Variants in PNPLA6 observed in about 807,000 individuals in gnomAD.
PNPLA6 encodes the protein patatin-like phospholipase domain-containing protein 6.
A neutral mutation model predicts 153.7 loss-of-function variants in PNPLA6; 105 were observed. The ratio of observed to expected loss-of-function variants is 0.68; its 90% confidence interval spans 0.58 to 0.80. PNPLA6 has a LOEUF of 0.80. Ranked by LOEUF, PNPLA6 falls within the 30% of genes least tolerant of loss-of-function variation. The pLI, the probability that PNPLA6 is intolerant of heterozygous loss-of-function variation, is 0.00. For missense variants in PNPLA6, 1,423 were observed against 1,919.3 expected, an observed-to-expected ratio of 0.74 and a Z score of 4.83; for synonymous variants, 825 against 822.2, an observed-to-expected ratio of 1.00 and a Z score of -0.06.
chr19:7,541,837 G>T lies in PNPLA6; in HGVS notation c.1169-147G>T. 1 of 1,112,938 alleles carries T rather than the reference G, an allele frequency of 9.0e-7. No homozygotes were observed. The allele number at this position is 1,112,938 out of a possible 1,614,324, so 68.9% of individuals were successfully genotyped here. A position where few individuals can be genotyped will look rare whatever the true frequency, so the allele number is the denominator to read the frequency against. Reference sequence around the variant, plus strand: ...GGTACCCAGGTCTGACTCCTATCTGGTACCGAGGAAGCTGTGGCCTCGTCC... The same window carrying T: ...GGTACCCAGGTCTGACTCCTATCTGTTACCGAGGAAGCTGTGGCCTCGTCC... On this transcript the variant is annotated intron_variant, in intron 9 of 31. Coordinates refer to ENST00000600737, the MANE Select transcript of PNPLA6 (RefSeq NM_001166114.2). The surrounding 1 kb of genome is among the most constrained non-coding windows in gnomAD (Gnocchi z 5.2).
At chr19:7,544,016 T>C (rs553831034) in intron 13 of PNPLA6, among the ~76,000 whole-genome samples, 14 of 151,596 alleles carry the variant, frequency 9.2e-5, no homozygotes, top group African/African-American at 3.4e-4. Context: ...GGTTTCACTG[T>C]GTTAGCCAGG....
Position 7,550,796 on chromosome 19 carries a change from GA to G in PNPLA6, c.2070+161del, listed in dbSNP as rs66529260. ...TCCCCGCCCAGACCTCATTTCGTTG[GA>G]AAAAGGGGATTCCGCCTGTCGTGGA... On this transcript the variant is annotated intron_variant, in intron 16 of 31. Coordinates refer to ENST00000600737, the MANE Select transcript of PNPLA6 (RefSeq NM_001166114.2). The G allele has an allele frequency of 0.53, 547,698 of 1,038,796 alleles. 148,017 individuals carry two copies. The highest frequency in any genetic ancestry group is 0.69 in the Admixed American group (32,789 of 47,652). 64.3% of individuals were successfully genotyped at this position (1,038,796 alleles called of 1,614,324 possible). A position where few individuals can be genotyped will look rare whatever the true frequency, so the allele number is the denominator to read the frequency against.
rs779055692 is a variant in PNPLA6 at position 7,554,213 on chromosome 19, G to T, written c.2406G>T (p.Pro802=). Residue 802 remains proline, a synonymous_variant, in exon 20 of 32, where the codon CCG becomes CCT. Transcript: ENST00000600737. Reference sequence around the variant, plus strand: ...CCCTTCCCCACCTACCCCTAGGTCCGACGCTACTCCTTAACAGTGACATCA... The same window carrying T: ...CCCTTCCCCACCTACCCCTAGGTCCTACGCTACTCCTTAACAGTGACATCA... ...ELQHALQAIG[P]TLLLNSDIIR... The T allele has an allele frequency of 4.3e-6, 7 of 1,613,970 alleles. No individual in the cohort carries two copies. The highest frequency in any genetic ancestry group is 2.2e-5 in the South Asian group (2 of 91,082).
chr19:7,541,751 T>C lies in PNPLA6; in HGVS notation c.1168+67T>C. On this transcript the variant is annotated intron_variant, in intron 9 of 31. Transcript: ENST00000600737. This position sits in a 1 kb window ranked among gnomAD's most constrained non-coding sequence, Gnocchi z 5.2. The stretch of plus-strand genomic sequence containing the variant: ...AAGCCCCGTCTCAGCCGCCAGCCCC[T>C]TTTTCAGTTCTGCATAGAGTCAACC... The C allele has an allele frequency of 4.0e-6, 6 of 1,489,928 alleles. No individual in the cohort carries two copies. The highest frequency in any genetic ancestry group is 4.5e-6 in the Non-Finnish European group (5 of 1,102,864). The allele number at this position is 1,489,928 out of a possible 1,614,324, so 92.3% of individuals were successfully genotyped here. A position where few individuals can be genotyped will look rare whatever the true frequency, so the allele number is the denominator to read the frequency against.
intron 13 of PNPLA6, among the ~76,000 whole-genome samples, chr19:7,548,479 C>T (rs1290922157): frequency 6.6e-6 from 1 of 151,940 alleles, no homozygotes; most frequent in Non-Finnish European, 1.5e-5. Context: ...CGAAGCCATC[C>T]TGGGCCACGT....
At chr19:7,560,134 C>T (rs2146119801) in intron 28 of PNPLA6, among the ~76,000 whole-genome samples, 1 of 152,014 alleles carries the variant, frequency 6.6e-6, no homozygotes, top group East Asian at 1.9e-4. Flanking sequence ...GAGTGAGACT[C>T]TGTCTCAAAA....
At chr19:7,542,451 C>T (rs2023194221) in intron 10 of PNPLA6, 110 bp from the exon 11 acceptor site, 3 of 836,474 alleles carry the variant, frequency 3.6e-6, no homozygotes, top group South Asian at 2.8e-5. Context: ...CCTCCAGCCC[C>T]AGCCTCCCAA....
chr19:7,560,403 A>T (rs2024050566), intron 28 of PNPLA6, among the ~76,000 whole-genome samples: 1 of 152,100 alleles, frequency 6.6e-6, no homozygotes, highest in South Asian at 2.1e-4. Flanking sequence ...GTTATTTGCT[A>T]CCCAGCACCC....
In PNPLA6 at chr19:7,550,002, C is replaced by T. The variant is rs62111288; in HGVS notation, c.1704C>T (p.Pro568=). 40 of 1,613,908 alleles carry T rather than the reference C, an allele frequency of 2.5e-5. 1 individual carries two copies. The highest frequency in any genetic ancestry group is 3.4e-5 in the Non-Finnish European group (40 of 1,180,040). The change falls in exon 14 of 32, where the codon CCC becomes CCT. Residue 568 remains proline, a synonymous_variant. Transcript: ENST00000600737. ...AEDVCLFVAQ[P]GELVGQLAVL... is the part of the protein sequence containing the mutation. ...ACGTGTGCCTGTTCGTAGCGCAGCCCGGGGAACTGGTGGGGCAGCTGGCGG... is the reference window on the plus strand; with the variant it reads ...ACGTGTGCCTGTTCGTAGCGCAGCCTGGGGAACTGGTGGGGCAGCTGGCGG...
chr19:7,555,607 G>T lies in PNPLA6; in HGVS notation c.2937G>T (p.Arg979Ser). The change falls in exon 24 of 32, where the codon AGG becomes AGT. Residue 979 changes from arginine to serine, a missense_variant and splice_region_variant. Arg to Ser is a moderately radical substitution (Grantham distance 110). Around this residue, in one of 10 missense-constraint regions of PNPLA6, gnomAD observed 643 missense variants for 835.2 expected, o/e 0.77. Transcript: ENST00000600737. This position sits in a 1 kb window ranked among gnomAD's most constrained non-coding sequence, Gnocchi z 6.3. ...TCACTGGGGCCCATTTTCCCGGCAGGGGCTGCTCGCACATCGGAGTACTAA... is the reference window on the plus strand; with the variant it reads ...TCACTGGGGCCCATTTTCCCGGCAGTGGCTGCTCGCACATCGGAGTACTAA... ...IALVLGGGGA[R>S]GCSHIGVLKA... 1 of 1,611,472 alleles carries T rather than the reference G, an allele frequency of 6.2e-7. No homozygotes were observed. Among genetic ancestry groups the T allele is most frequent in the Non-Finnish European group, 8.5e-7 (1 of 1,179,414 alleles).
Position 7,554,976 on chromosome 19 carries a change from G to A in PNPLA6, c.2718G>A (p.Thr906=). The A allele has an allele frequency of 1.3e-6, 2 of 1,591,844 alleles. No individual in the cohort carries two copies. The highest frequency in any genetic ancestry group is 1.7e-6 in the Non-Finnish European group (2 of 1,176,476). Residue 906 remains threonine (T), a synonymous_variant, in exon 22 of 32, where the codon ACG becomes ACA. Coordinates refer to ENST00000600737, the MANE Select transcript of PNPLA6 (RefSeq NM_001166114.2). ...ACCGAGAGGAGGGCGCGGGCCCCAC[G>A]CGCACCGTGGAGTGGCTAAATATGC... ...LLHREEGAGP[T]RTVEWLNMRS...
chr19:7,559,703 G>A (rs2024024036), intron 28 of PNPLA6, among the ~76,000 whole-genome samples: 1 of 152,104 alleles, frequency 6.6e-6, no homozygotes, highest in African/African-American at 2.4e-5. Flanking sequence ...AATTAGCTGG[G>A]TGTGGTTGTG....
Position 7,557,450 on chromosome 19 carries a change from A to G in PNPLA6, c.3397+166A>G, listed in dbSNP as rs952731055. On this transcript the variant is annotated intron_variant, in intron 27 of 31. Coordinates refer to ENST00000600737, the MANE Select transcript of PNPLA6 (RefSeq NM_001166114.2). ...CACATACGATCACTTGCACAAAATGATACATGAATGTGCCTGTGGACAGCG... is the reference window on the plus strand; with the variant it reads ...CACATACGATCACTTGCACAAAATGGTACATGAATGTGCCTGTGGACAGCG... 4 of 680,414 alleles carry G rather than the reference A, an allele frequency of 5.9e-6. No individual in the cohort carries two copies. In the Admixed American group the frequency reaches 6.1e-5, roughly 10 times the overall value. The allele number at this position is 680,414 out of a possible 1,614,324, so 42.1% of individuals were successfully genotyped here.
chr19:7,549,739 G>A (rs1329318134), intron 13 of PNPLA6, 168 bp from the exon 14 acceptor site: 12 of 684,878 alleles, frequency 1.8e-5, no homozygotes, highest in African/African-American at 1.6e-4. Flanking sequence ...CCCCCTGCCT[G>A]GCCTCCCAAA....
chr19:7,536,143 T>C (rs758288824), intron 1 of PNPLA6, 48 bp from the exon 2 acceptor site: 136 of 1,514,046 alleles, frequency 9.0e-5, no homozygotes, highest in Non-Finnish European at 1.2e-4. Context: ...TCTGGCAGGG[T>C]GGAGTCTGCA....
In PNPLA6 at chr19:7,555,424, C is replaced by T. The variant is rs943108589; in HGVS notation, c.2936+57C>T. On this transcript the variant is annotated intron_variant, in intron 23 of 31. Transcript: ENST00000600737. This position sits in a 1 kb window ranked among gnomAD's most constrained non-coding sequence, Gnocchi z 6.3. The stretch of plus-strand genomic sequence containing the variant: ...GCCTGGATGTCCGAGGGTGGAGCTT[C>T]CTGGGAGAAACCGTGGGGGCGGGGC... The T allele has an allele frequency of 2.1e-6, 3 of 1,403,530 alleles. No individual in the cohort carries two copies. The highest frequency in any genetic ancestry group is 2.9e-6 in the Non-Finnish European group (3 of 1,023,726). 86.9% of individuals were successfully genotyped at this position (1,403,530 alleles called of 1,614,324 possible). A position where few individuals can be genotyped will look rare whatever the true frequency, so the allele number is the denominator to read the frequency against.
In PNPLA6 at chr19:7,557,304, AC is replaced by A; in HGVS notation, c.3397+23del. 6.8e-7 allele frequency: 1 copy of A among 1,459,976 alleles called. No individual in the cohort carries two copies. Among genetic ancestry groups the A allele is most frequent in the Non-Finnish European group, 9.6e-7 (1 of 1,043,534 alleles). 90.4% of individuals were successfully genotyped at this position (1,459,976 alleles called of 1,614,324 possible). ...TGCCAGGCAAGTGGCCGCCCGCACC[AC>A]CCGCACACGCAAGCACCTCCCGCAC... On this transcript the variant is annotated intron_variant, in intron 27 of 31. Coordinates refer to ENST00000600737, the MANE Select transcript of PNPLA6 (RefSeq NM_001166114.2).
At chr19:7,547,821 T>A (rs372217920) in intron 13 of PNPLA6, among the ~76,000 whole-genome samples, 3,290 of 17,304 alleles carry the variant, frequency 0.19, 357 homozygotes, top group African/African-American at 0.36. Context: ...ATTTTTTTTT[T>A]TTTTTTTTTT....
chr19:7,560,412 C>A (rs1028886316), intron 28 of PNPLA6, among the ~76,000 whole-genome samples: 1 of 152,138 alleles, frequency 6.6e-6, no homozygotes, highest in Non-Finnish European at 1.5e-5. Context: ...TACCCAGCAC[C>A]CTGCATGGGG....
Sources: gnomAD v4.1 joint callset for allele counts (sites outside exome capture counted in the v4.1 genomes callset) on GRCh38, gnomAD v4.1.1 for gene constraint, gnomAD v4.1.1 regional missense constraint, Gnocchi (gnomAD v3.1) non-coding constraint, MANE v1.5 for transcripts, NCBI Gene and HGNC (gene_info 2026-07-23, HGNC 2026-07-21) for gene names.